Variants in TAF4 observed in about 807,000 individuals in gnomAD.
TAF4 encodes the protein TATA-box binding protein associated factor 4, also known as transcription initiation factor TFIID subunit 4.
Under a neutral mutation model 90.3 loss-of-function variants are expected in TAF4, and 9 were observed. The ratio of observed to expected loss-of-function variants is 0.10; its 90% CI spans 0.06 to 0.17. TAF4 has a LOEUF of 0.17. TAF4 is among the 10% of genes least tolerant of loss of function. The pLI is 1.00. For synonymous variants in TAF4, 818 were observed against 638.9 expected (o/e 1.28, Z -4.23); for missense variants, 1,351 against 1,370.7 (o/e 0.99, Z 0.23).
intron 1 of TAF4, among the ~76,000 whole-genome samples, chr20:62,033,965 C>A (rs1424953463): frequency 6.6e-6 from 1 of 151,740 alleles, no homozygotes; most frequent in African/African-American, 2.4e-5. Flanking sequence ...TGGCGTGAAC[C>A]CGTGAGGCAG....
In TAF4 at chr20:62,064,871, CGGGGG is replaced by C; in HGVS notation, c.935_939del (p.Ala312GlyfsTer148). 1 of 927,548 alleles carries C rather than the reference CGGGGG, an allele frequency of 1.1e-6. No individual in the cohort carries two copies. The highest frequency in any genetic ancestry group is 4.9e-5 in the South Asian group (1 of 20,280). The allele number at this position is 927,548 out of a possible 1,614,324, so 57.5% of individuals were successfully genotyped here. A position where few individuals can be genotyped will look rare whatever the true frequency, so the allele number is the denominator to read the frequency against. On this transcript the variant is annotated frameshift_variant, in exon 1 of 15. Coordinates refer to ENST00000252996, the MANE Select transcript of TAF4 (RefSeq NM_003185.4). LOFTEE classifies it high-confidence loss of function. ...GGGCCCCCGGCGGCCGGGGCGGGGG[CGGGGG>C]CTGCCCCGGCGCTGCCCCCGTTCTG...
At position 62,003,765 on chromosome 20, in the gene TAF4, C is replaced by G. The variant is rs140240263; in HGVS notation, c.2337G>C (p.Thr779=). The change falls in exon 8 of 15, where the codon ACG becomes ACC. Residue 779 remains threonine (T), a synonymous_variant. Coordinates refer to ENST00000252996, the MANE Select transcript of TAF4 (RefSeq NM_003185.4). Reference sequence around the variant, plus strand: ...GTGGGTTCAGCTGGATCTGCTGAGGCGTGGTGAGCATGATCCGGTTGTGAG... The same window carrying G: ...GTGGGTTCAGCTGGATCTGCTGAGGGGTGGTGAGCATGATCCGGTTGTGAG... ...RQPHNRIMLT[T]PQQIQLNPLQ... 3.1e-6 allele frequency: 5 copies of G among 1,606,688 alleles called. No individual in the cohort carries two copies. The East Asian group carries it at 1.1e-4, about 36-fold the overall frequency.
intron 14 of TAF4, among the ~76,000 whole-genome samples, chr20:61,979,790 C>T (rs1364807158): frequency 7.0e-6 from 1 of 143,072 alleles, no homozygotes; most frequent in Non-Finnish European, 1.5e-5. Context: ...AGAGGGACTG[C>T]GGCATGTGCA....
chr20:62,000,118 T>C lies in TAF4; in HGVS notation c.2787+6A>G. 5.6e-6 allele frequency: 9 copies of C among 1,614,236 alleles called. No individual in the cohort carries two copies. The highest frequency in any genetic ancestry group is 1.1e-5 in the South Asian group (1 of 91,086). On this transcript the variant is annotated splice_donor_region_variant and intron_variant, in intron 11 of 14. Transcript: ENST00000252996. The stretch of plus-strand genomic sequence containing the variant: ...AAGACGCTCTCCTCGGCAAACAGCC[T>C]GTTACCTTGTAAGAAAAGTTCTTCT...
chr20:62,049,498 C>G (rs1052732285), intron 1 of TAF4, among the ~76,000 whole-genome samples: 1 of 152,188 alleles, frequency 6.6e-6, no homozygotes, highest in African/African-American at 2.4e-5. Flanking sequence ...TCTGGCTCTT[C>G]CACTCCACAG....
chr20:62,060,539 C>T (rs1453602501), intron 1 of TAF4, among the ~76,000 whole-genome samples: 2 of 152,154 alleles, frequency 1.3e-5, no homozygotes, highest in Admixed American at 6.5e-5. Flanking sequence ...CGACCCCAGC[C>T]GCGGGGCAGG....
intron 1 of TAF4, 52 bp downstream of exon 1, chr20:62,064,399 A>G: frequency 3.1e-6 from 4 of 1,279,232 alleles, no homozygotes; most frequent in Non-Finnish European, 4.0e-6. Context: ...TGGAACTGGC[A>G]GCTGGCGCTG....
At chr20:62,003,414 A>G in intron 8 of TAF4, 140 bp from the exon 9 acceptor site, 1 of 713,718 alleles carries the variant, frequency 1.4e-6, no homozygotes, top group Non-Finnish European at 2.4e-6. Flanking sequence ...TCATATTAAT[A>G]ACTCTAAATT....
At chr20:62,015,551 C>T (rs1230079929) in intron 1 of TAF4, among the ~76,000 whole-genome samples, 3 of 152,180 alleles carry the variant, frequency 2.0e-5, no homozygotes, top group African/African-American at 7.2e-5. Context: ...AGCCCAGCAC[C>T]AAGGAGCTGA....
intron 2 of TAF4, among the ~76,000 whole-genome samples, chr20:62,014,028 GT>G: frequency 9.8e-6 from 1 of 102,526 alleles, no homozygotes; most frequent in Middle Eastern, 5.7e-3. Flanking sequence ...GGGTGTGTGT[GT>G]GTGTGTGTGT....
intron 5 of TAF4, among the ~76,000 whole-genome samples, chr20:62,008,532 A>G (rs1312703943): frequency 2.1e-4 from 19 of 92,546 alleles, no homozygotes; most frequent in Non-Finnish European, 3.3e-4. Context: ...TCTCTGCGAC[A>G]GAGGTTTCGG....
chr20:62,004,648 G>A (rs6142918), intron 7 of TAF4: 1 of 152,168 alleles, frequency 6.6e-6, no homozygotes, highest in African/African-American at 2.4e-5. Flanking sequence ...TTTTCTGTAA[G>A]GCGGCTGAGG....
At chr20:61,981,596 G>GA (rs1218147674) in intron 14 of TAF4, among the ~76,000 whole-genome samples, 1 of 152,122 alleles carries the variant, frequency 6.6e-6, no homozygotes, top group East Asian at 1.9e-4. Flanking sequence ...AGGAACCTAC[G>GA]AAAGGCAGGA....
In TAF4 at chr20:62,007,052, C is replaced by T. The variant is rs1240762749; in HGVS notation, c.1975-294G>A. ...GTTAACATCACTGGAAGAGAAGATT[C>T]TGAATGTTCCCAACACATGGAAATA... On this transcript the variant is annotated intron_variant, in intron 6 of 14. Coordinates refer to ENST00000252996, the MANE Select transcript of TAF4 (RefSeq NM_003185.4). The T allele has an allele frequency of 2.4e-5, 8 of 334,150 alleles. No individual in the cohort carries two copies. In the East Asian group the frequency reaches 3.8e-4, roughly 16 times the overall value. 20.7% of individuals were successfully genotyped at this position (334,150 alleles called of 1,614,324 possible). A position where few individuals can be genotyped will look rare whatever the true frequency, so the allele number is the denominator to read the frequency against.
chr20:62,062,404 T>C (rs2056094358), intron 1 of TAF4, among the ~76,000 whole-genome samples: 1 of 152,140 alleles, frequency 6.6e-6, no homozygotes. Context: ...ATTGATACTT[T>C]TTTTTTTTGC....
At chr20:61,999,819 T>G (rs536583071) in intron 11 of TAF4, among the ~76,000 whole-genome samples, 1 of 152,190 alleles carries the variant, frequency 6.6e-6, no homozygotes, top group South Asian at 2.1e-4. Flanking sequence ...CACGGTGGTG[T>G]GCGCCTGTAA....
chr20:62,024,663 G>A (rs1293139019), intron 1 of TAF4, among the ~76,000 whole-genome samples: 1 of 152,202 alleles, frequency 6.6e-6, no homozygotes, highest in Admixed American at 6.5e-5. Context: ...GAGGTCAGGA[G>A]TTCGAGACCA....
Position 62,019,525 on chromosome 20 carries a change from C to T in TAF4, c.1361-4818G>A, listed in dbSNP as rs554527529. 1.2e-4 allele frequency among the ~76,000 whole-genome samples: 19 copies of T among 152,362 alleles called. No individual in the cohort carries two copies. The East Asian group carries it at 1.5e-3, about 12-fold the overall frequency. ...AGTGTGAAACTCTCCACTCTCCCAG[C>T]GGTTCAAGGCCACACTGCTTGAGGC... is the stretch of plus-strand genomic sequence containing the variant. On this transcript the variant is annotated intron_variant, in intron 1 of 14. Coordinates refer to ENST00000252996, the MANE Select transcript of TAF4 (RefSeq NM_003185.4).
intron 7 of TAF4, 103 bp from the exon 8 acceptor site, chr20:62,003,981 G>A (rs983041907): frequency 7.2e-6 from 10 of 1,385,946 alleles, no homozygotes; most frequent in South Asian, 1.5e-5. Flanking sequence ...TGCACCCCAC[G>A]CCCCCAGTAA....
Sources: allele counts gnomAD v4.1 joint callset (sites outside exome capture counted in the v4.1 genomes callset), GRCh38; gene constraint gnomAD v4.1.1; transcripts MANE v1.5; gene names NCBI Gene and HGNC (gene_info 2026-07-23, HGNC 2026-07-21).